Variants in PARD3B observed in about 807,000 individuals in gnomAD.
PARD3B encodes partitioning defective 3 homolog B.
PARD3B carries 103 observed loss-of-function variants against 130.2 expected under a neutral mutation model. The ratio of observed to expected loss-of-function variants is 0.79; its 90% CI spans 0.67 to 0.93. PARD3B has a LOEUF of 0.93. Among genes scored for constraint, PARD3B ranks in the 40% least tolerant of loss-of-function variants. The pLI, the probability that PARD3B is intolerant of heterozygous loss-of-function variation, is 0.00. For synonymous variants in PARD3B, 583 were observed against 553.2 expected, an observed-to-expected ratio of 1.05 and a Z score of -0.76; for missense variants, 1,609 against 1,499.2, an observed-to-expected ratio of 1.07 and a Z score of -1.21.
chr2:205,568,879 T>C lies in PARD3B; in HGVS notation c.3260+15476T>C, dbSNP rs10192900. On this transcript the variant is annotated intron_variant, in intron 22 of 22. Transcript: ENST00000406610. This position sits in a 1 kb window ranked among gnomAD's most constrained non-coding sequence, Gnocchi z 5.3. ...TCAATTAAGATGCTTAGGCTCACCT[T>C]CTTAGAACAAAAAGTATGTGTCATA... Among the ~76,000 whole-genome samples the C allele has an allele frequency of 0.017, 2,560 of 152,220 alleles. 78 individuals carry two copies. Among genetic ancestry groups the C allele is most frequent in the African/African-American group, 0.058 (2,394 of 41,510 alleles).
intron 2 of PARD3B, among the ~76,000 whole-genome samples, chr2:204,873,807 A>G (rs2045731030): frequency 6.6e-6 from 1 of 152,164 alleles, no homozygotes; most frequent in Admixed American, 6.6e-5. Context: ...CAGTGAGAGA[A>G]GAGGCAGGCT....
intron 2 of PARD3B, among the ~76,000 whole-genome samples, chr2:204,764,481 T>A (rs1283451726): frequency 6.6e-6 from 1 of 152,158 alleles, no homozygotes; most frequent in Non-Finnish European, 1.5e-5. Context: ...CGTTTTTTGT[T>A]TGAAAGAATT....
intron 18 of PARD3B, among the ~76,000 whole-genome samples, chr2:205,314,769 G>A (rs2042504633): frequency 6.6e-6 from 1 of 152,114 alleles, no homozygotes; most frequent in Non-Finnish European, 1.5e-5. Flanking sequence ...TCTGCACAGT[G>A]GCCCTGCCAC....
intron 16 of PARD3B, among the ~76,000 whole-genome samples, chr2:205,257,915 T>A (rs906640738): frequency 2.8e-4 from 42 of 152,176 alleles, no homozygotes; most frequent in Non-Finnish European, 2.2e-4. Flanking sequence ...AACAATGACC[T>A]ACACCCTGGG....
At chr2:205,132,084 GCTTA>G (rs1575892366) in intron 10 of PARD3B, among the ~76,000 whole-genome samples, 1 of 152,136 alleles carries the variant, frequency 6.6e-6, no homozygotes, top group East Asian at 1.9e-4. Context: ...CATGTAAAAT[GCTTA>G]CATTGGGCCA....
intron 18 of PARD3B, among the ~76,000 whole-genome samples, chr2:205,372,743 G>A (rs1287417007): frequency 6.6e-6 from 1 of 152,158 alleles, no homozygotes; most frequent in African/African-American, 2.4e-5. Flanking sequence ...CACTTTTGGA[G>A]GCCAAGGCAG....
At chr2:205,076,022 T>C (rs898275250) in intron 4 of PARD3B, among the ~76,000 whole-genome samples, 6 of 152,206 alleles carry the variant, frequency 3.9e-5, no homozygotes, top group African/African-American at 1.4e-4. Context: ...AACATCATAG[T>C]AATTAAATTC....
chr2:204,752,732 G>C (rs1334575688), intron 2 of PARD3B, among the ~76,000 whole-genome samples: 1 of 152,030 alleles, frequency 6.6e-6, no homozygotes. Flanking sequence ...CCTTTTGAAA[G>C]GGGTATAATT....
intron 3 of PARD3B, among the ~76,000 whole-genome samples, chr2:204,987,816 G>C (rs191963263): frequency 2.0e-5 from 3 of 152,090 alleles, no homozygotes; most frequent in Admixed American, 2.0e-4. Context: ...AACATTATCT[G>C]TGATTCTTAT....
chr2:205,131,882 A>G (rs2032034108), intron 10 of PARD3B, among the ~76,000 whole-genome samples: 2 of 152,184 alleles, frequency 1.3e-5, no homozygotes, highest in African/African-American at 4.8e-5. Flanking sequence ...AGCTTATTGT[A>G]ATTCACTAGA....
intron 15 of PARD3B, among the ~76,000 whole-genome samples, chr2:205,239,242 G>A (rs2039242982): frequency 6.6e-6 from 1 of 151,878 alleles, no homozygotes; most frequent in Non-Finnish European, 1.5e-5. Context: ...CCTTCCCCAG[G>A]AGTAAAGGTG....
intron 10 of PARD3B, among the ~76,000 whole-genome samples, chr2:205,147,929 A>T (rs2033479863): frequency 6.6e-6 from 1 of 152,160 alleles, no homozygotes; most frequent in Admixed American, 6.5e-5. Flanking sequence ...AACAAATTAG[A>T]GTACAATTCA....
chr2:204,964,381 T>C (rs1691031007), intron 2 of PARD3B, among the ~76,000 whole-genome samples: 2 of 152,310 alleles, frequency 1.3e-5, no homozygotes, highest in East Asian at 1.9e-4. Flanking sequence ...CTTGCCCTTA[T>C]TTTAAGGAAA....
At chr2:204,591,517 T>G (rs2033072799) in intron 1 of PARD3B, among the ~76,000 whole-genome samples, 1 of 152,214 alleles carries the variant, frequency 6.6e-6, no homozygotes, top group South Asian at 2.1e-4. Flanking sequence ...TTTTCTGGAC[T>G]GAAATGAAAC....
At position 205,047,658 on chromosome 2, in the gene PARD3B, C is replaced by T. The variant is rs1167789126; in HGVS notation, c.472C>T (p.Pro158Ser). 2 of 1,550,684 alleles carry T rather than the reference C, an allele frequency of 1.3e-6. No individual in the cohort carries two copies. Among genetic ancestry groups the T allele is most frequent in the Non-Finnish European group, 1.7e-6 (2 of 1,146,492 alleles). Reference sequence around the variant, plus strand: ...TGATACCCAGCCAAGCGCTTCACACCCTGGTGGCCAGAGTCTGAAACTGGT... The same window carrying T: ...TGATACCCAGCCAAGCGCTTCACACTCTGGTGGCCAGAGTCTGAAACTGGT... ...PADTQPSASHPGGQSLKLVVP... is the reference protein window; with the variant it reads ...PADTQPSASHSGGQSLKLVVP... The change falls in exon 4 of 23, where the codon CCT (proline) becomes TCT (serine). Residue 158 changes from proline to serine, a missense_variant. Pro to Ser is a moderately conservative substitution (Grantham distance 74). Coordinates refer to ENST00000406610, the MANE Select transcript of PARD3B (RefSeq NM_001302769.2).
chr2:205,095,744 C>A lies in PARD3B; in HGVS notation c.505-8682C>A, dbSNP rs1295437521. Among the ~76,000 whole-genome samples, 4 of 151,848 alleles carry A rather than the reference C, an allele frequency of 2.6e-5. No homozygotes were observed. In the East Asian group the frequency reaches 5.8e-4, roughly 22 times the overall value. On this transcript the variant is annotated intron_variant, in intron 4 of 22. Transcript: ENST00000406610. ...TAAGTCAACTTTTACACATTTCTAC[C>A]AAAAATAAGCGATAAAACCAAACAC...
chr2:205,302,645 G>A (rs566541009), intron 18 of PARD3B, among the ~76,000 whole-genome samples: 3 of 152,264 alleles, frequency 2.0e-5, no homozygotes, highest in South Asian at 4.1e-4. Flanking sequence ...TTTGAAGCAG[G>A]GGAGTCAGGG....
chr2:205,423,913 C>A (rs371093855), intron 19 of PARD3B, among the ~76,000 whole-genome samples: 2 of 152,078 alleles, frequency 1.3e-5, no homozygotes, highest in South Asian at 4.2e-4. Context: ...GGGAACAACA[C>A]ACACTGGGGC....
chr2:204,856,870 G>T (rs2044966083), intron 2 of PARD3B, among the ~76,000 whole-genome samples: 1 of 151,934 alleles, frequency 6.6e-6, no homozygotes, highest in Non-Finnish European at 1.5e-5. Context: ...TTTCTGTCCT[G>T]TTCATTGGTT....
Sources: gnomAD v4.1 joint callset for allele counts (sites outside exome capture counted in the v4.1 genomes callset) on GRCh38, gnomAD v4.1.1 for gene constraint, Gnocchi (gnomAD v3.1) non-coding constraint, MANE v1.5 for transcripts, NCBI Gene and HGNC (gene_info 2026-07-23, HGNC 2026-07-21) for gene names.